CHLSN: variants seen among roughly 807,000 people sequenced by gnomAD.
CHLSN encodes cholesin, also known as protein cholesin.
chr7:1,080,197 C>T, the CHLSN span, among the ~76,000 whole-genome samples: 2 of 152,232 alleles, frequency 1.3e-5, no homozygotes, highest in Non-Finnish European at 2.9e-5. Flanking sequence ...CCAGCGATGC[C>T]CAATCCTAGC....
chr7:1,028,813 C>A, the CHLSN span: 2 of 857,778 alleles, frequency 2.3e-6, no homozygotes, highest in Non-Finnish European at 2.8e-6. Flanking sequence ...AATCTGACTC[C>A]ATGGCCCCCA....
At chr7:1,017,043 T>C in the CHLSN span, among the ~76,000 whole-genome samples, 1 of 151,902 alleles carries the variant, frequency 6.6e-6, no homozygotes, top group African/African-American at 2.4e-5. Flanking sequence ...CGCACCCTGG[T>C]CCTCTGCTGT....
At chr7:1,053,303 G>A in the CHLSN span, among the ~76,000 whole-genome samples, 6 of 152,274 alleles carry the variant, frequency 3.9e-5, no homozygotes, top group Admixed American at 1.3e-4. Context: ...CGCAGGTGTG[G>A]CGACGGCGGG....
chr7:1,011,272 C>T, the CHLSN span, among the ~76,000 whole-genome samples: 1 of 141,754 alleles, frequency 7.1e-6, no homozygotes, highest in Non-Finnish European at 1.5e-5. Flanking sequence ...CACACCCACA[C>T]CCAGATACCC....
At chr7:1,070,841 C>T in the CHLSN span, among the ~76,000 whole-genome samples, 8 of 122,510 alleles carry the variant, frequency 6.5e-5, 1 homozygote, top group Admixed American at 6.3e-4. Context: ...ATACACACAA[C>T]GCGTGCACAC....
the CHLSN span, among the ~76,000 whole-genome samples, chr7:1,121,724 C>A: frequency 6.6e-6 from 1 of 152,250 alleles, no homozygotes; most frequent in Non-Finnish European, 1.5e-5. Context: ...CACCCAGGGC[C>A]AGAAAGACTG....
At chr7:996,208 C>T in the CHLSN span, among the ~76,000 whole-genome samples, 1 of 152,228 alleles carries the variant, frequency 6.6e-6, no homozygotes, top group African/African-American at 2.4e-5. Context: ...GCCCCAGGCC[C>T]TCCCCACAAC....
chr7:1,137,090 C>T, the CHLSN span, among the ~76,000 whole-genome samples: 1 of 152,088 alleles, frequency 6.6e-6, no homozygotes, highest in Non-Finnish European at 1.5e-5. Flanking sequence ...AGGTCCTTGC[C>T]ACTTGGTAAG....
the CHLSN span, among the ~76,000 whole-genome samples, chr7:985,701 A>C: frequency 6.6e-6 from 1 of 152,098 alleles, no homozygotes; most frequent in Non-Finnish European, 1.5e-5. Context: ...GTGCCCCAAA[A>C]CCACAAAAGT....
chr7:1,077,648 C>A, the CHLSN span: 1 of 152,302 alleles, frequency 6.6e-6, no homozygotes, highest in Admixed American at 6.5e-5. Flanking sequence ...CTGCCTCCTA[C>A]CAGGGCTAGT....
chr7:1,105,961 A>C, the CHLSN span, among the ~76,000 whole-genome samples: 718 of 152,316 alleles, frequency 4.7e-3, 7 homozygotes, highest in African/African-American at 0.016. Context: ...TCCATATCAC[A>C]GGAACAGAGA....
the CHLSN span, chr7:1,028,375 C>T: frequency 1.0e-6 from 1 of 988,468 alleles, no homozygotes; most frequent in East Asian, 1.1e-4. Context: ...ACTGCGCATG[C>T]CCGGCCGGCC....
the CHLSN span, among the ~76,000 whole-genome samples, chr7:1,014,422 T>C: frequency 1.3e-5 from 2 of 152,242 alleles, no homozygotes; most frequent in African/African-American, 4.8e-5. Context: ...CAACAGCTCC[T>C]TTCCGCCCAC....
chr7:1,060,008 G>A, the CHLSN span, among the ~76,000 whole-genome samples: 109 of 79,286 alleles, frequency 1.4e-3, no homozygotes, highest in East Asian at 0.011. Flanking sequence ...GTCTGTAGTG[G>A]GGCGGGTCCG....
chr7:1,110,865 T>C, the CHLSN span, among the ~76,000 whole-genome samples: 3 of 144,044 alleles, frequency 2.1e-5, no homozygotes, highest in Non-Finnish European at 4.6e-5. Flanking sequence ...AAAAACCAAA[T>C]GACCAATATG....
the CHLSN span, chr7:986,619 C>T: frequency 6.2e-7 from 1 of 1,612,478 alleles, no homozygotes; most frequent in Non-Finnish European, 8.5e-7. Context: ...CTGCCTCCTG[C>T]CCAGCTGTTC....
chr7:1,033,213 A>G, the CHLSN span, among the ~76,000 whole-genome samples: 2 of 152,206 alleles, frequency 1.3e-5, no homozygotes, highest in Non-Finnish European at 2.9e-5. Context: ...GTCACACACC[A>G]TGCATGACAA....
the CHLSN span, among the ~76,000 whole-genome samples, chr7:1,047,415 G>A: frequency 5.3e-5 from 8 of 152,362 alleles, no homozygotes; most frequent in South Asian, 1.7e-3. Context: ...ATCCACCTAT[G>A]TAATGAACCA....
chr7:1,109,823 CG>C, the CHLSN span, among the ~76,000 whole-genome samples: 6 of 152,320 alleles, frequency 3.9e-5, no homozygotes, highest in East Asian at 1.2e-3. Context: ...CTCGGCGCCA[CG>C]GGTGACTTTC....
Sources: allele counts gnomAD v4.1 joint callset (sites outside exome capture counted in the v4.1 genomes callset), GRCh38; gene constraint gnomAD v4.1.1; transcripts MANE v1.5; gene names NCBI Gene and HGNC (gene_info 2026-07-23, HGNC 2026-07-21).